Variants in ROBO1 observed in about 807,000 individuals in gnomAD.
ROBO1 encodes roundabout homolog 1.
A neutral mutation model predicts 195.9 loss-of-function variants in ROBO1; 149 were observed. The ratio of observed to expected loss-of-function variants is 0.76; its 90% CI spans 0.67 to 0.87. ROBO1 has a LOEUF of 0.87. ROBO1 is among the 40% of genes least tolerant of loss of function. The probability of loss-of-function intolerance (pLI) is 0.00; values close to 1 mark genes in which losing one functional copy is unlikely to be tolerated. For synonymous variants in ROBO1, 816 were observed against 733.2 expected, an observed-to-expected ratio of 1.11 and a Z score of -1.82; for missense variants, 1,933 against 2,068.3, an observed-to-expected ratio of 0.93 and a Z score of 1.27.
chr3:79,441,086 T>C (rs79637202), intron 2 of ROBO1, among the ~76,000 whole-genome samples: 1,624 of 152,264 alleles, frequency 0.011, 29 homozygotes, highest in African/African-American at 0.037. Flanking sequence ...GCTAAACTCT[T>C]GTTAATTATG....
At chr3:79,358,431 T>TA (rs2035643002) in intron 2 of ROBO1, among the ~76,000 whole-genome samples, 1 of 152,060 alleles carries the variant, frequency 6.6e-6, no homozygotes, top group African/African-American at 2.4e-5. Flanking sequence ...AAGACGTTGA[T>TA]ATCCTGAGAA....
At chr3:78,615,813 C>G (rs554808948) in intron 27 of ROBO1, among the ~76,000 whole-genome samples, 4 of 152,144 alleles carry the variant, frequency 2.6e-5, no homozygotes, top group Non-Finnish European at 5.9e-5. Flanking sequence ...TATACATTAA[C>G]ACAGCCAAGT....
chr3:79,608,454 C>A (rs770927711), intron 1 of ROBO1, among the ~76,000 whole-genome samples: 3 of 151,940 alleles, frequency 2.0e-5, no homozygotes, highest in Non-Finnish European at 4.4e-5. Context: ...TATGAGAAAA[C>A]ACACTGCTTC....
chr3:79,686,551 A>G (rs1198600267), intron 1 of ROBO1, among the ~76,000 whole-genome samples: 1 of 152,234 alleles, frequency 6.6e-6, no homozygotes, highest in African/African-American at 2.4e-5. Flanking sequence ...ATGTACAAAA[A>G]TCACAAGCAT....
intron 4 of ROBO1, among the ~76,000 whole-genome samples, chr3:78,827,750 G>A (rs2031762135): frequency 6.6e-6 from 1 of 152,158 alleles, no homozygotes; most frequent in South Asian, 2.1e-4. Context: ...TCTGAAGACA[G>A]TCTGGAGGCA....
At chr3:79,688,555 C>T (rs994030737) in intron 1 of ROBO1, among the ~76,000 whole-genome samples, 1 of 152,022 alleles carries the variant, frequency 6.6e-6, no homozygotes, top group Non-Finnish European at 1.5e-5. Flanking sequence ...CCACCATTCC[C>T]ACTGACATTT....
intron 2 of ROBO1, among the ~76,000 whole-genome samples, chr3:79,503,031 C>CA (rs1940187294): frequency 6.6e-6 from 1 of 152,166 alleles, no homozygotes; most frequent in Admixed American, 6.5e-5. Context: ...CGTGAGCTAA[C>CA]AGTGACAACC....
At chr3:78,949,577 A>T (rs1331149958) in intron 3 of ROBO1, among the ~76,000 whole-genome samples, 2 of 152,154 alleles carry the variant, frequency 1.3e-5, no homozygotes, top group Non-Finnish European at 2.9e-5. Context: ...AACCTAGGCA[A>T]TACCATTCAG....
chr3:79,602,697 G>A (rs549957193), intron 1 of ROBO1, among the ~76,000 whole-genome samples: 2 of 151,960 alleles, frequency 1.3e-5, no homozygotes, highest in South Asian at 4.1e-4. Flanking sequence ...ACTATTATGA[G>A]GGAGAATTTA....
intron 2 of ROBO1, among the ~76,000 whole-genome samples, chr3:79,468,923 T>C (rs558301335): frequency 2.6e-5 from 4 of 152,330 alleles, no homozygotes; most frequent in Non-Finnish European, 5.9e-5. Flanking sequence ...TTAATTACCT[T>C]GACCTTTTCC....
At chr3:79,515,525 T>C (rs942204063) in intron 2 of ROBO1, among the ~76,000 whole-genome samples, 4 of 152,200 alleles carry the variant, frequency 2.6e-5, no homozygotes, top group Non-Finnish European at 5.9e-5. Flanking sequence ...TGTTAACAAT[T>C]CGTATCCTTA....
chr3:79,431,551 G>C (rs2038679779), intron 2 of ROBO1, among the ~76,000 whole-genome samples: 1 of 151,948 alleles, frequency 6.6e-6, no homozygotes, highest in African/African-American at 2.4e-5. Context: ...ATAAAAGGTG[G>C]AAATTAGACA....
intron 8 of ROBO1, among the ~76,000 whole-genome samples, chr3:78,695,426 C>G (rs1459161195): frequency 1.3e-5 from 2 of 151,916 alleles, no homozygotes; most frequent in African/African-American, 4.8e-5. Flanking sequence ...GAGATCGAGA[C>G]CATCCTGGCT....
At chr3:79,236,886 C>T (rs1279257320) in intron 2 of ROBO1, among the ~76,000 whole-genome samples, 1 of 152,156 alleles carries the variant, frequency 6.6e-6, no homozygotes, top group Non-Finnish European at 1.5e-5. Context: ...ACTTTTGCTA[C>T]AGTAGGAGTA....
chr3:79,437,910 A>G (rs1360224020), intron 2 of ROBO1, among the ~76,000 whole-genome samples: 5 of 152,038 alleles, frequency 3.3e-5, no homozygotes, highest in Non-Finnish European at 7.4e-5. Flanking sequence ...ATAAAAAAAA[A>G]AGTTCTGACC....
chr3:79,117,572 C>T (rs1356183486), intron 3 of ROBO1, among the ~76,000 whole-genome samples: 2 of 152,040 alleles, frequency 1.3e-5, no homozygotes, highest in African/African-American at 4.8e-5. Flanking sequence ...ATTTCTTTGC[C>T]TGGGAACACT....
Position 78,811,732 on chromosome 3 carries a change from G to A in ROBO1, c.500-64832C>T, listed in dbSNP as rs575391903. On this transcript the variant is annotated intron_variant, in intron 4 of 30. Coordinates refer to ENST00000464233, the MANE Select transcript of ROBO1 (RefSeq NM_002941.4). ...GCCACTAATTTGGAACTAGTATACT[G>A]TGTCCGACATGCCAGAATCTTAAGT... Among the ~76,000 whole-genome samples, 40 of 152,168 alleles carry A rather than the reference G, an allele frequency of 2.6e-4. No individual in the cohort carries two copies. The Middle Eastern group carries it at 0.01, about 39-fold the overall frequency.
chr3:79,137,254 C>T (rs1173415394), intron 2 of ROBO1, among the ~76,000 whole-genome samples: 1 of 151,870 alleles, frequency 6.6e-6, no homozygotes, highest in Non-Finnish European at 1.5e-5. Context: ...AATTTGAAAA[C>T]GTTGTCTTCC....
intron 8 of ROBO1, among the ~76,000 whole-genome samples, chr3:78,697,372 C>A (rs1406932184): frequency 6.6e-6 from 1 of 152,034 alleles, no homozygotes; most frequent in East Asian, 1.9e-4. Flanking sequence ...TTTGGAAAAA[C>A]ATTATACAGA....
Sources: gnomAD v4.1 joint callset for allele counts (sites outside exome capture counted in the v4.1 genomes callset) on GRCh38, gnomAD v4.1.1 for gene constraint, MANE v1.5 for transcripts, NCBI Gene and HGNC (gene_info 2026-07-23, HGNC 2026-07-21) for gene names.